Variants in PIGN observed in about 807,000 individuals in gnomAD.
PIGN encodes the protein phosphatidylinositol glycan anchor biosynthesis class N.
PIGN carries 117 observed loss-of-function variants against 125.4 expected under a neutral mutation model. The observed-to-expected ratio is 0.93, with a 90% confidence interval of 0.80 to 1.09. PIGN has a LOEUF of 1.09. Among genes scored for constraint, PIGN ranks in the 50% least tolerant of loss-of-function variants. The pLI is 0.00. For synonymous variants in PIGN, 392 were observed against 377.8 expected (o/e 1.04, Z -0.44); for missense variants, 1,075 against 1,094.9 (o/e 0.98, Z 0.26).
intron 17 of PIGN, among the ~76,000 whole-genome samples, chr18:62,108,989 T>C (rs964834606): frequency 6.6e-6 from 1 of 152,234 alleles, no homozygotes; most frequent in Non-Finnish European, 1.5e-5. Context: ...AGTGTCACGA[T>C]GCACATGTTA....
intron 14 of PIGN, among the ~76,000 whole-genome samples, chr18:62,120,182 A>T (rs2035245583): frequency 6.6e-6 from 1 of 151,662 alleles, no homozygotes; most frequent in Non-Finnish European, 1.5e-5. Flanking sequence ...AACCAGTCAA[A>T]GAGAAAATCT....
chr18:62,025,985 T>A (rs2030113802), intron 23 of PIGN, among the ~76,000 whole-genome samples: 1 of 152,192 alleles, frequency 6.6e-6, no homozygotes, highest in African/African-American at 2.4e-5. Context: ...ACATCCAGTA[T>A]CAGAGCTGTG....
chr18:62,169,594 G>C (rs1414256354), intron 1 of PIGN, among the ~76,000 whole-genome samples: 1 of 151,554 alleles, frequency 6.6e-6, no homozygotes, highest in Non-Finnish European at 1.5e-5. Flanking sequence ...GAATAAAATG[G>C]CTAGGTCAAA....
At chr18:62,066,668 G>A (rs1666573209) in intron 30 of PIGN, among the ~76,000 whole-genome samples, 1 of 152,178 alleles carries the variant, frequency 6.6e-6, no homozygotes, top group African/African-American at 2.4e-5. Context: ...TGTTGGGTAT[G>A]TGGACTCTGT....
chr18:62,113,870 T>A (rs2034980781), intron 15 of PIGN, among the ~76,000 whole-genome samples: 1 of 152,038 alleles, frequency 6.6e-6, no homozygotes, highest in Non-Finnish European at 1.5e-5. Flanking sequence ...CAAAGAAAAA[T>A]TAATGAAAAA....
At chr18:62,078,351 C>G (rs1248953644) in intron 28 of PIGN, among the ~76,000 whole-genome samples, 2 of 152,198 alleles carry the variant, frequency 1.3e-5, no homozygotes, top group Non-Finnish European at 1.5e-5. Context: ...ATTCTTGAAC[C>G]ATTCTGTGGA....
chr18:62,145,392 T>C (rs982731124), intron 10 of PIGN, among the ~76,000 whole-genome samples: 26 of 152,150 alleles, frequency 1.7e-4, no homozygotes, highest in Non-Finnish European at 8.8e-5. Flanking sequence ...ACTGAAGACA[T>C]GCTGTTGAGT....
At position 62,042,667 on chromosome 18, in the gene PIGN, T is replaced by TA. The variant is rs375370179; in HGVS notation, c.*3188dup. 9 of 151,866 alleles carry TA rather than the reference T, an allele frequency of 5.9e-5. No individual in the cohort carries two copies. The highest frequency in any genetic ancestry group is 2.0e-4 in the Admixed American group (3 of 15,238). The allele number at this position is 151,866 out of a possible 1,614,324, so 9.4% of individuals were successfully genotyped here. A position where few individuals can be genotyped will look rare whatever the true frequency, so the allele number is the denominator to read the frequency against. On this transcript the variant is annotated 3_prime_UTR_variant, in exon 31 of 31. Transcript: ENST00000640252. ...TAATGTTTCCTTCTCATTTTTTTTT[T>TA]AAATAACAAAGCATCATAAAGAAAT...
Position 62,095,387 on chromosome 18 carries a change from T to C in PIGN, c.2180+461A>G, listed in dbSNP as rs996288828. Among the ~76,000 whole-genome samples the C allele has an allele frequency of 7.9e-5, 12 of 152,320 alleles. No individual in the cohort carries two copies. In the South Asian group the frequency reaches 1.2e-3, roughly 16 times the overall value. On this transcript the variant is annotated intron_variant, in intron 23 of 30. Coordinates refer to ENST00000640252, the MANE Select transcript of PIGN (RefSeq NM_176787.5). ...AATTTCAATCTTAAATAAAAATCTT[T>C]AAAAGTTTTGGGAAAATATTCTGAA...
intron 14 of PIGN, among the ~76,000 whole-genome samples, chr18:62,135,431 C>T (rs932503788): frequency 1.3e-5 from 2 of 151,904 alleles, no homozygotes; most frequent in African/African-American, 4.8e-5. Flanking sequence ...AGCCATCCCG[C>T]CAGACCCCCA....
Position 62,044,749 on chromosome 18 carries a change from A to G in PIGN, c.*1107T>C, listed in dbSNP as rs183035612. Reference sequence around the variant, plus strand: ...ATTCAAAAGCAATTACTTCTTAAAAATAGGGCGCATACCAGGAAAGCTTAG... The same window carrying G: ...ATTCAAAAGCAATTACTTCTTAAAAGTAGGGCGCATACCAGGAAAGCTTAG... On this transcript the variant is annotated 3_prime_UTR_variant, in exon 31 of 31. Transcript: ENST00000640252. 5 of 152,316 alleles carry G rather than the reference A, an allele frequency of 3.3e-5. No individual in the cohort carries two copies. The highest frequency in any genetic ancestry group is 3.3e-4 in the Admixed American group (5 of 15,298). The allele number at this position is 152,316 out of a possible 1,614,324, so 9.4% of individuals were successfully genotyped here. A position where few individuals can be genotyped will look rare whatever the true frequency, so the allele number is the denominator to read the frequency against.
rs747126817 is a variant in PIGN at position 62,032,311 on chromosome 18, CA to C, written c.2143-14571del. Among the ~76,000 whole-genome samples the C allele has an allele frequency of 1.1e-4, 16 of 152,290 alleles. No homozygotes were observed. In the East Asian group the frequency reaches 3.1e-3, roughly 29 times the overall value. On this transcript the variant is annotated intron_variant, in intron 23 of 24. Transcript: ENST00000639600. ...CAAACTTCAATTGCTTAAAAATAGA[CA>C]ACCAATATTTACTTCCATCCTTTAA...
At chr18:62,109,253 A>G (rs1275107829) in intron 17 of PIGN, among the ~76,000 whole-genome samples, 1 of 152,208 alleles carries the variant, frequency 6.6e-6, no homozygotes, top group Non-Finnish European at 1.5e-5. Context: ...TGTTTTCTAC[A>G]ATGTTAACAA....
At chr18:62,179,067 T>C (rs568816923) in intron 1 of PIGN, among the ~76,000 whole-genome samples, 314 of 152,302 alleles carry the variant, frequency 2.1e-3, no homozygotes, top group Middle Eastern at 0.017. Context: ...TGTCTTGCTA[T>C]TGGGATTTAT....
At position 62,139,059 on chromosome 18, in the gene PIGN, T is replaced by C; in HGVS notation, c.1040A>G (p.Asp347Gly). 1 of 1,601,338 alleles carries C rather than the reference T, an allele frequency of 6.2e-7. No individual in the cohort carries two copies. The highest frequency in any genetic ancestry group is 1.3e-5 in the African/African-American group (1 of 74,836). ...PLNSVGILPVDYLNNTDLFKA... is the reference protein window; with the variant it reads ...PLNSVGILPVGYLNNTDLFKA... ...GAAGAGATCAGTGTTGTTAAGATAATCCACAGGAAGGATTCCCTGAAAATA... is the reference window on the plus strand; with the variant it reads ...GAAGAGATCAGTGTTGTTAAGATAACCCACAGGAAGGATTCCCTGAAAATA... Residue 347 changes from aspartate (D) to glycine (G), a missense_variant, in exon 13 of 31, where the codon GAT becomes GGT. By Grantham distance (94) the Asp-to-Gly change is moderately conservative (BLOSUM62 -1). Coordinates refer to ENST00000640252, the MANE Select transcript of PIGN (RefSeq NM_176787.5).
At chr18:62,033,968 T>A (rs2030227172) in intron 23 of PIGN, among the ~76,000 whole-genome samples, 1 of 152,186 alleles carries the variant, frequency 6.6e-6, no homozygotes, top group Non-Finnish European at 1.5e-5. Flanking sequence ...CTCAGAGGGG[T>A]TTGTCTAAGG....
At chr18:62,166,683 G>A (rs1429251453) in intron 1 of PIGN, among the ~76,000 whole-genome samples, 1 of 152,126 alleles carries the variant, frequency 6.6e-6, no homozygotes, top group Non-Finnish European at 1.5e-5. Context: ...ACTGGATAAA[G>A]AAAATGTGGC....
intron 14 of PIGN, among the ~76,000 whole-genome samples, chr18:62,130,034 AG>A (rs1409952868): frequency 6.6e-6 from 1 of 152,162 alleles, no homozygotes; most frequent in African/African-American, 2.4e-5. Context: ...AGAGATAGAG[AG>A]TAGAATGATA....
chr18:62,025,252 C>T lies in PIGN; in HGVS notation c.2143-7511G>A, dbSNP rs112725967. Among the ~76,000 whole-genome samples the T allele has an allele frequency of 9.1e-4, 139 of 152,284 alleles. 1 individual carries two copies. The highest frequency in any genetic ancestry group is 2.0e-3 in the Admixed American group (30 of 15,302). ...AAAAATGGTATCATGCTGTACATAG[C>T]CAGTTCAACTTGGTTTGTTTTCAGT... On this transcript the variant is annotated intron_variant, in intron 23 of 24. Transcript: ENST00000639600.
Sources: gnomAD v4.1 joint callset for allele counts (sites outside exome capture counted in the v4.1 genomes callset) on GRCh38, gnomAD v4.1.1 for gene constraint, MANE v1.5 for transcripts, NCBI Gene and HGNC (gene_info 2026-07-23, HGNC 2026-07-21) for gene names.